Variants in NCKAP5 observed in about 807,000 individuals in gnomAD.
The protein encoded by NCKAP5 is nck-associated protein 5.
A neutral mutation model predicts 167.0 loss-of-function variants in NCKAP5; 92 were observed. The ratio of observed to expected loss-of-function variants is 0.55; its 90% confidence interval spans 0.47 to 0.66. NCKAP5 has a LOEUF of 0.66. NCKAP5 is among the 30% of genes least tolerant of loss of function. The probability of loss-of-function intolerance (pLI) is 0.00; values close to 1 mark genes in which losing one functional copy is unlikely to be tolerated. For missense variants in NCKAP5, 2,378 were observed against 2,315.0 expected (o/e 1.03, Z -0.56); for synonymous variants, 891 against 877.4 (o/e 1.02, Z -0.27).
intron 10 of NCKAP5, among the ~76,000 whole-genome samples, chr2:132,864,472 T>G (rs907236758): frequency 6.6e-6 from 1 of 152,192 alleles, no homozygotes; most frequent in Non-Finnish European, 1.5e-5. Context: ...CTGAGCAATG[T>G]GATACACTGG....
chr2:133,091,143 C>T (rs2081165014), intron 6 of NCKAP5, among the ~76,000 whole-genome samples: 1 of 152,184 alleles, frequency 6.6e-6, no homozygotes, highest in African/African-American at 2.4e-5. Flanking sequence ...TTTCCTGAGG[C>T]CTCCCTAACC....
chr2:132,823,671 CAACT>C (rs982812697), intron 11 of NCKAP5, among the ~76,000 whole-genome samples: 4 of 152,060 alleles, frequency 2.6e-5, no homozygotes, highest in Admixed American at 6.5e-5. Context: ...ATTAAGGCGA[CAACT>C]AACATGATGA....
chr2:132,987,033 G>C (rs1271938401), intron 7 of NCKAP5, among the ~76,000 whole-genome samples: 2 of 152,166 alleles, frequency 1.3e-5, no homozygotes, highest in Non-Finnish European at 2.9e-5. Flanking sequence ...TTGCCAGGTG[G>C]AGGTTGCTAG....
At chr2:132,985,197 G>T (rs993990129) in intron 7 of NCKAP5, among the ~76,000 whole-genome samples, 5 of 151,864 alleles carry the variant, frequency 3.3e-5, no homozygotes, top group Admixed American at 3.3e-4. Flanking sequence ...CTCGGTTCAG[G>T]GTCAAAACGT....
chr2:133,039,587 C>G (rs954618309), intron 6 of NCKAP5, among the ~76,000 whole-genome samples: 1 of 152,134 alleles, frequency 6.6e-6, no homozygotes, highest in Non-Finnish European at 1.5e-5. Context: ...CCTAGGAGAT[C>G]AAAGACCATG....
chr2:133,210,203 T>TATAATATAATATAATATAATATAAC (rs1159514107), intron 5 of NCKAP5, among the ~76,000 whole-genome samples: 60 of 149,194 alleles, frequency 4.0e-4, no homozygotes, highest in African/African-American at 1.1e-3. Context: ...TATAACATAA[T>TATAATATAATATAATATAATATAAC]ATAATGTAAT....
chr2:132,814,527 A>T (rs766126609), intron 11 of NCKAP5, among the ~76,000 whole-genome samples: 6 of 152,212 alleles, frequency 3.9e-5, no homozygotes, highest in Non-Finnish European at 5.9e-5. Flanking sequence ...AGGATTCATC[A>T]AGTCAAGTGG....
intron 1 of NCKAP5, among the ~76,000 whole-genome samples, chr2:133,562,888 T>A (rs1314026454): frequency 6.6e-6 from 1 of 152,188 alleles, no homozygotes; most frequent in Non-Finnish European, 1.5e-5. Context: ...GTGGGTAATG[T>A]TCTATGTATC....
At position 133,458,367 on chromosome 2, in the gene NCKAP5, C is replaced by T. The variant is rs369853718; in HGVS notation, c.69+59091G>A. Among the ~76,000 whole-genome samples, 14 of 152,094 alleles carry T rather than the reference C, an allele frequency of 9.2e-5. No homozygotes were observed. In the East Asian group the frequency reaches 1.2e-3, roughly 13 times the overall value. On this transcript the variant is annotated intron_variant, in intron 3 of 19. Coordinates refer to ENST00000409261, the MANE Select transcript of NCKAP5 (RefSeq NM_207363.3). ...CCTCTTCCTCATCTCAATTTCAAAA[C>T]GCCATATCCTAAGCATCAAGTGCAA... is the stretch of plus-strand genomic sequence containing the variant.
intron 16 of NCKAP5, among the ~76,000 whole-genome samples, chr2:132,736,487 A>G (rs1194296446): frequency 1.3e-5 from 2 of 152,146 alleles, no homozygotes; most frequent in East Asian, 3.9e-4. Flanking sequence ...CTCTCAACAA[A>G]TGTGAGTTCA....
At chr2:133,355,134 C>T (rs980461221) in intron 3 of NCKAP5, among the ~76,000 whole-genome samples, 1 of 152,070 alleles carries the variant, frequency 6.6e-6, no homozygotes, top group African/African-American at 2.4e-5. Flanking sequence ...CTTTTTGTAG[C>T]TTAAGTTTTC....
intron 5 of NCKAP5, among the ~76,000 whole-genome samples, chr2:133,132,669 T>C (rs1359245841): frequency 1.3e-5 from 2 of 149,860 alleles, no homozygotes; most frequent in African/African-American, 2.5e-5. Context: ...AAAATATTTG[T>C]ACCCAATTTT....
intron 16 of NCKAP5, among the ~76,000 whole-genome samples, chr2:132,766,279 A>C (rs1681479274): frequency 2.0e-5 from 1 of 50,722 alleles, no homozygotes; most frequent in East Asian, 1.8e-3. Context: ...ATTCTGTCTC[A>C]AAAAAAAAAA....
intron 4 of NCKAP5, among the ~76,000 whole-genome samples, chr2:133,263,719 A>T (rs1204945452): frequency 6.6e-6 from 1 of 152,152 alleles, no homozygotes; most frequent in African/African-American, 2.4e-5. Flanking sequence ...AAATTATTTT[A>T]AAAAAGAGAA....
chr2:132,818,809 T>C (rs995646330), intron 11 of NCKAP5, among the ~76,000 whole-genome samples: 1 of 152,230 alleles, frequency 6.6e-6, no homozygotes, highest in Non-Finnish European at 1.5e-5. Flanking sequence ...TATAAACTTG[T>C]GACTTTGTCT....
chr2:132,739,897 A>G (rs1679020168), intron 16 of NCKAP5, among the ~76,000 whole-genome samples: 1 of 152,170 alleles, frequency 6.6e-6, no homozygotes, highest in South Asian at 2.1e-4. Context: ...AGCTTTTTAA[A>G]AAGCCTATAC....
chr2:132,947,673 A>C (rs1697855359), intron 8 of NCKAP5, among the ~76,000 whole-genome samples: 1 of 152,182 alleles, frequency 6.6e-6, no homozygotes, highest in African/African-American at 2.4e-5. Flanking sequence ...ATAGGAATTC[A>C]AGGTGAAATG....
At chr2:132,908,936 T>G (rs1477209458) in intron 8 of NCKAP5, among the ~76,000 whole-genome samples, 5 of 152,242 alleles carry the variant, frequency 3.3e-5, no homozygotes, top group Non-Finnish European at 5.9e-5. Flanking sequence ...CCAACACACA[T>G]TTCTTCATCC....
chr2:132,745,976 A>C (rs989363967), intron 16 of NCKAP5, among the ~76,000 whole-genome samples: 2 of 152,124 alleles, frequency 1.3e-5, no homozygotes, highest in African/African-American at 4.8e-5. Flanking sequence ...CAGAAGACTC[A>C]AAATTGTTCG....
Sources: allele counts gnomAD v4.1 joint callset (sites outside exome capture counted in the v4.1 genomes callset), GRCh38; gene constraint gnomAD v4.1.1; transcripts MANE v1.5; gene names NCBI Gene and HGNC (gene_info 2026-07-23, HGNC 2026-07-21).